The following MOB4 variants were observed in gnomAD, a reference collection of about 807,000 sequenced individuals.
The protein encoded by MOB4 is MOB family member 4, phocein, also known as MOB-like protein phocein.
Under a neutral mutation model 32.2 loss-of-function variants are expected in MOB4, and 4 were observed. The ratio of observed to expected loss-of-function variants is 0.12; its 90% CI spans 0.06 to 0.28. The LOEUF is 0.28. MOB4 is among the 10% of genes least tolerant of loss of function. The probability of loss-of-function intolerance (pLI) is 1.00; values close to 1 mark genes in which losing one functional copy is unlikely to be tolerated. For missense variants in MOB4, 158 were observed against 271.2 expected (o/e 0.58, Z 2.93); for synonymous variants, 88 against 88.1 (o/e 1.00, Z 0.01).
chr2:197,533,948 G>T, intron 2 of MOB4: 2 of 579,036 alleles, frequency 3.5e-6, no homozygotes, highest in African/African-American at 1.9e-5. Context: ...CATTGGAAAA[G>T]AACCAAGCTG....
intron 1 of MOB4, among the ~76,000 whole-genome samples, chr2:197,518,033 C>T (rs959985543): frequency 6.6e-5 from 10 of 151,586 alleles, no homozygotes; most frequent in Non-Finnish European, 1.3e-4. Context: ...CCCAGCCACT[C>T]GGTAGGCTGA....
intron 5 of MOB4, 65 bp from the exon 6 acceptor site, chr2:197,548,271 A>T (rs2087033115): frequency 1.4e-6 from 2 of 1,411,902 alleles, no homozygotes; most frequent in Non-Finnish European, 1.9e-6. Context: ...ATACCCATAT[A>T]ATGAATATAT....
chr2:197,515,952 C>T, upstream of MOB4: 1 of 904,480 alleles, frequency 1.1e-6, no homozygotes, highest in Admixed American at 2.8e-5. Flanking sequence ...CCGGACGGCT[C>T]CCGGCGCAGG....
At chr2:197,538,133 A>G (rs1027634580) in intron 3 of MOB4, among the ~76,000 whole-genome samples, 33 of 149,840 alleles carry the variant, frequency 2.2e-4, no homozygotes, top group Admixed American at 6.6e-5. Context: ...TTAGTGTTAC[A>G]AGGGTTTTTT....
chr2:197,523,209 T>C (rs1457754843), intron 1 of MOB4, among the ~76,000 whole-genome samples: 1 of 152,138 alleles, frequency 6.6e-6, no homozygotes, highest in African/African-American at 2.4e-5. Context: ...TAAAGGTTTA[T>C]GGGAGCTGTA....
At chr2:197,546,810 T>A (rs769459609) in intron 5 of MOB4, among the ~76,000 whole-genome samples, 1 of 152,208 alleles carries the variant, frequency 6.6e-6, no homozygotes, top group Non-Finnish European at 1.5e-5. Flanking sequence ...TATCTAACTT[T>A]TGACTCCCCC....
intron 2 of MOB4, among the ~76,000 whole-genome samples, chr2:197,528,576 T>G (rs1034863597): frequency 1.3e-5 from 2 of 151,990 alleles, no homozygotes; most frequent in Non-Finnish European, 2.9e-5. Flanking sequence ...TCCTGCTCCC[T>G]GCTCCTGATG....
chr2:197,525,501 C>T (rs533710664), intron 2 of MOB4, among the ~76,000 whole-genome samples: 4 of 151,878 alleles, frequency 2.6e-5, no homozygotes, highest in South Asian at 2.1e-4. Flanking sequence ...TTTGGGAGGC[C>T]GAGGAGGGAG....
At chr2:197,536,148 C>G (rs2086794376) in intron 3 of MOB4, among the ~76,000 whole-genome samples, 1 of 152,114 alleles carries the variant, frequency 6.6e-6, no homozygotes, top group South Asian at 2.1e-4. Flanking sequence ...ATTTTCCTAC[C>G]TTGTCCTCCC....
chr2:197,540,855 T>C (rs1341580239), intron 5 of MOB4, among the ~76,000 whole-genome samples: 2 of 152,178 alleles, frequency 1.3e-5, no homozygotes, highest in African/African-American at 2.4e-5. Flanking sequence ...TTTCTCCTTA[T>C]TTAGTTTTTG....
Position 197,520,893 on chromosome 2 carries a change from T to TA in MOB4, c.61-2707dup, listed in dbSNP as rs77272123. 7.6e-3 allele frequency among the ~76,000 whole-genome samples: 818 copies of TA among 107,810 alleles called. 4 individuals carry two copies. Among genetic ancestry groups the TA allele is most frequent in the Non-Finnish European group, 0.01 (537 of 52,016 alleles). 70.7% of individuals were successfully genotyped at this position (107,810 alleles called of 152,430 possible). ...GCCAACAAAGTGAGACCTCGTCTCT[T>TA]AAAAAAAAAAAAAAAAAAAAAAAAG... On this transcript the variant is annotated intron_variant, in intron 1 of 7. Transcript: ENST00000323303.
intron 4 of MOB4, 40 bp from the exon 5 acceptor site, chr2:197,540,308 CATT>C (rs2086875857): frequency 1.4e-6 from 2 of 1,478,664 alleles, no homozygotes; most frequent in Non-Finnish European, 1.8e-6. Flanking sequence ...TAAGCTTTTT[CATT>C]ATTATTTTAC....
intron 6 of MOB4, among the ~76,000 whole-genome samples, chr2:197,549,859 T>TAAAAAAAAAAA (rs573507195): frequency 1.1e-4 from 9 of 84,992 alleles, no homozygotes; most frequent in Non-Finnish European, 1.9e-4. Context: ...CCTTAATTTC[T>TAAAAAAAAAAA]AAAAAAAAAA....
intron 2 of MOB4, among the ~76,000 whole-genome samples, chr2:197,535,222 CAA>C (rs371120769): frequency 5.0e-4 from 33 of 66,378 alleles, no homozygotes; most frequent in East Asian, 8.8e-4. Flanking sequence ...GACCCTGTTT[CAA>C]AAAAAAAAAA....
intron 2 of MOB4, among the ~76,000 whole-genome samples, chr2:197,534,486 G>GT (rs1241689365): frequency 2.0e-5 from 3 of 151,980 alleles, no homozygotes; most frequent in African/African-American, 7.3e-5. Flanking sequence ...TACAGTTAGA[G>GT]TGATTATATT....
At chr2:197,528,616 C>CTTTTTTT (rs60927398) in intron 2 of MOB4, among the ~76,000 whole-genome samples, 18 of 131,684 alleles carry the variant, frequency 1.4e-4, no homozygotes, top group Admixed American at 2.4e-4. Flanking sequence ...TTTTCTTTTT[C>CTTTTTTT]TTTTTTTTTT....
Position 197,536,428 on chromosome 2 carries a change from C to T in MOB4, c.224+798C>T, listed in dbSNP as rs151293703. Among the ~76,000 whole-genome samples, 184 of 152,040 alleles carry T rather than the reference C, an allele frequency of 1.2e-3. 3 individuals carry two copies. In the East Asian group the frequency reaches 0.033, roughly 27 times the overall value. The stretch of plus-strand genomic sequence containing the variant: ...CCATGTTGCCTAGGCTGGTCTCAAA[C>T]TCCGGGGCTTAAGCAATCCACCCAC... On this transcript the variant is annotated intron_variant, in intron 3 of 7. Transcript: ENST00000323303.
rs533311000 is a variant in MOB4, at chr2:197,524,252, C to T, written c.123+566C>T. Among the ~76,000 whole-genome samples, 4 of 151,826 alleles carry T rather than the reference C, an allele frequency of 2.6e-5. No individual in the cohort carries two copies. In the South Asian group the frequency reaches 8.3e-4, roughly 32 times the overall value. On this transcript the variant is annotated intron_variant, in intron 2 of 7. Transcript: ENST00000323303. Reference sequence around the variant, plus strand: ...TTGTATCTTAAAAAAATAAAAATAGCCCAGGTGTGGTGGCTCACAGCTGTA... The same window carrying T: ...TTGTATCTTAAAAAAATAAAAATAGTCCAGGTGTGGTGGCTCACAGCTGTA...
intron 5 of MOB4, among the ~76,000 whole-genome samples, chr2:197,543,899 C>T (rs1401811634): frequency 6.6e-6 from 1 of 152,064 alleles, no homozygotes; most frequent in East Asian, 1.9e-4. Flanking sequence ...GCCACCTCGC[C>T]TGACTAATTT....
Sources: allele counts gnomAD v4.1 joint callset (sites outside exome capture counted in the v4.1 genomes callset), GRCh38; gene constraint gnomAD v4.1.1; transcripts MANE v1.5; gene names NCBI Gene and HGNC (gene_info 2026-07-23, HGNC 2026-07-21).